Variants in PAWR observed in about 807,000 individuals in gnomAD.
PAWR encodes PRKC apoptosis WT1 regulator protein.
In PAWR, 23 loss-of-function variants were observed where a neutral mutation model predicts 32.0. The observed-to-expected ratio is 0.72, with a 90% confidence interval of 0.52 to 1.02. PAWR has a LOEUF of 1.02. Ranked by LOEUF, PAWR falls within the 50% of genes least tolerant of loss-of-function variation. The probability of loss-of-function intolerance (pLI) is 0.00; values close to 1 mark genes in which losing one functional copy is unlikely to be tolerated. For synonymous variants in PAWR, 226 were observed against 187.1 expected (o/e 1.21, Z -1.70); for missense variants, 457 against 437.7 (o/e 1.04, Z -0.39).
chr12:79,638,544 T>G (rs767791338), intron 2 of PAWR, among the ~76,000 whole-genome samples: 13 of 152,118 alleles, frequency 8.5e-5, no homozygotes, highest in Non-Finnish European at 2.9e-5. Flanking sequence ...ATCTCATTTT[T>G]AACTTAACTA....
chr12:79,690,353 G>A lies in PAWR; in HGVS notation c.-109C>T. The A allele has an allele frequency of 7.4e-7, 1 of 1,350,360 alleles. No individual in the cohort carries two copies. The highest frequency in any genetic ancestry group is 9.5e-7 in the Non-Finnish European group (1 of 1,055,670). The allele number at this position is 1,350,360 out of a possible 1,614,324, so 83.6% of individuals were successfully genotyped here. A position where few individuals can be genotyped will look rare whatever the true frequency, so the allele number is the denominator to read the frequency against. On this transcript the variant is annotated 5_prime_UTR_variant, in exon 2 of 7. Transcript: ENST00000328827. ...CGAGGATGCCAGGAGACGACCTCCA[G>A]GAGAGGGACGGCCGCCGCTCCCACA...
chr12:79,665,672 T>G (rs1478562131), intron 2 of PAWR, among the ~76,000 whole-genome samples: 1 of 152,194 alleles, frequency 6.6e-6, no homozygotes, highest in Non-Finnish European at 1.5e-5. Context: ...CTTACACTAC[T>G]CTGATATACA....
intron 2 of PAWR, among the ~76,000 whole-genome samples, chr12:79,666,555 AACG>A (rs1877613261): frequency 6.6e-6 from 1 of 152,202 alleles, no homozygotes; most frequent in Admixed American, 6.5e-5. Flanking sequence ...CAAAGTTTCC[AACG>A]GTTACATGAT....
rs769677336 is a variant in PAWR, at chr12:79,690,194, T to A, written c.51A>T (p.Thr17=). The change falls in exon 2 of 7, where the codon ACA becomes ACT. Residue 17 remains threonine, a synonymous_variant. Coordinates refer to ENST00000328827, the MANE Select transcript of PAWR (RefSeq NM_002583.4). Reference sequence around the variant, plus strand: ...TCGCCTTCCACTCCTCCAGGAAGTCTGTGGTGCTGCCGCCGAGGCCGCTGC... The same window carrying A: ...TCGCCTTCCACTCCTCCAGGAAGTCAGTGGTGCTGCCGCCGAGGCCGCTGC... ...RTSSGLGGST[T]DFLEEWKAKR... 2.6e-6 allele frequency: 4 copies of A among 1,532,918 alleles called. No individual in the cohort carries two copies. The highest frequency in any genetic ancestry group is 3.5e-6 in the Non-Finnish European group (4 of 1,143,706). The allele number at this position is 1,532,918 out of a possible 1,614,324, so 95.0% of individuals were successfully genotyped here. A position where few individuals can be genotyped will look rare whatever the true frequency, so the allele number is the denominator to read the frequency against.
chr12:79,596,226 A>C (rs1431818928), intron 5 of PAWR, among the ~76,000 whole-genome samples: 2 of 152,182 alleles, frequency 1.3e-5, no homozygotes, highest in Non-Finnish European at 2.9e-5. Flanking sequence ...TGTTTCAAAC[A>C]CCAAAGATGG....
At chr12:79,656,353 G>T (rs575449176) in intron 2 of PAWR, among the ~76,000 whole-genome samples, 1 of 152,304 alleles carries the variant, frequency 6.6e-6, no homozygotes, top group African/African-American at 2.4e-5. Flanking sequence ...AACTAGTGTG[G>T]TAGTAATGAG....
chr12:79,633,486 G>A (rs1334978715), intron 2 of PAWR, among the ~76,000 whole-genome samples: 1 of 152,138 alleles, frequency 6.6e-6, no homozygotes, highest in South Asian at 2.1e-4. Context: ...TTGTTGGTGA[G>A]GATTTAGCAG....
chr12:79,621,533 CT>C (rs8176868), intron 2 of PAWR, among the ~76,000 whole-genome samples: 5,337 of 152,002 alleles, frequency 0.035, 135 homozygotes, highest in Non-Finnish European at 0.055. Context: ...ACAAGGCATT[CT>C]GCAGAAGGTA....
chr12:79,688,626 G>A (rs987946179), intron 2 of PAWR, among the ~76,000 whole-genome samples: 1 of 152,032 alleles, frequency 6.6e-6, no homozygotes, highest in East Asian at 1.9e-4. Context: ...ATATAAATAC[G>A]TCCTACAAAG....
At chr12:79,638,872 ATATAT>A (rs1876111701) in intron 2 of PAWR, among the ~76,000 whole-genome samples, 1 of 4,456 alleles carries the variant, frequency 2.2e-4, no homozygotes, top group South Asian at 5.4e-3. Context: ...TCATATATAT[ATATAT>A]ATATATATAT....
At chr12:79,652,550 A>G (rs1236793939) in intron 2 of PAWR, among the ~76,000 whole-genome samples, 1 of 152,196 alleles carries the variant, frequency 6.6e-6, no homozygotes, top group Non-Finnish European at 1.5e-5. Flanking sequence ...AGTTCTTTGG[A>G]AAAAGTTCAA....
intron 4 of PAWR, among the ~76,000 whole-genome samples, chr12:79,612,975 G>A (rs1874509931): frequency 6.6e-6 from 1 of 152,178 alleles, no homozygotes; most frequent in South Asian, 2.1e-4. Flanking sequence ...CCCTTAATGA[G>A]ATGGAGCCCT....
At chr12:79,606,947 A>G (rs1474162979) in intron 4 of PAWR, among the ~76,000 whole-genome samples, 2 of 152,124 alleles carry the variant, frequency 1.3e-5, no homozygotes, top group Non-Finnish European at 2.9e-5. Context: ...AATATTAATA[A>G]TATTTATGAC....
At chr12:79,677,429 A>G (rs1878224541) in intron 2 of PAWR, among the ~76,000 whole-genome samples, 1 of 152,164 alleles carries the variant, frequency 6.6e-6, no homozygotes, top group East Asian at 1.9e-4. Context: ...TGAAACAACA[A>G]AAAAAAGTAA....
intron 2 of PAWR, among the ~76,000 whole-genome samples, chr12:79,672,780 A>G (rs1036830449): frequency 6.6e-6 from 1 of 152,120 alleles, no homozygotes; most frequent in Admixed American, 6.6e-5. Flanking sequence ...ACAGCAGTAG[A>G]GAAAATAAAA....
chr12:79,614,947 T>C (rs1874656547), intron 3 of PAWR, among the ~76,000 whole-genome samples: 2 of 152,298 alleles, frequency 1.3e-5, no homozygotes, highest in East Asian at 3.9e-4. Context: ...TCTACTGATC[T>C]CTAAAATGGA....
chr12:79,600,991 T>C (rs1873939776), intron 4 of PAWR, among the ~76,000 whole-genome samples: 1 of 152,132 alleles, frequency 6.6e-6, no homozygotes, highest in African/African-American at 2.4e-5. Context: ...CTCAAGTTCT[T>C]TTCTTGTCTT....
In PAWR at chr12:79,599,623, A is replaced by T. The variant is rs1035734749; in HGVS notation, c.684-2965T>A. ...GCTGAAAAATAAATTGTTACTTCCTATGTTAGCAAAACCAATGTGTTCATC... is the reference window on the plus strand; with the variant it reads ...GCTGAAAAATAAATTGTTACTTCCTTTGTTAGCAAAACCAATGTGTTCATC... On this transcript the variant is annotated intron_variant, in intron 4 of 6. Coordinates refer to ENST00000328827, the MANE Select transcript of PAWR (RefSeq NM_002583.4). Among the ~76,000 whole-genome samples, 8 of 152,214 alleles carry T rather than the reference A, an allele frequency of 5.3e-5. No homozygotes were observed. The East Asian group carries it at 1.3e-3, about 26-fold the overall frequency.
chr12:79,652,086 G>T (rs188044960), intron 2 of PAWR, among the ~76,000 whole-genome samples: 2 of 152,200 alleles, frequency 1.3e-5, no homozygotes, highest in East Asian at 1.9e-4. Flanking sequence ...TTGGCCAGAG[G>T]GGGGTGGGAA....
Sources: allele counts gnomAD v4.1 joint callset (sites outside exome capture counted in the v4.1 genomes callset), GRCh38; gene constraint gnomAD v4.1.1; transcripts MANE v1.5; gene names NCBI Gene and HGNC (gene_info 2026-07-23, HGNC 2026-07-21).